SAXO1: variants seen among roughly 807,000 people sequenced by gnomAD.
SAXO1 encodes the protein 4930500O09Rik.
SAXO1 carries 21 observed loss-of-function variants against 17.5 expected under a neutral mutation model. The observed-to-expected ratio is 1.20, with a 90% CI of 0.85 to 1.72. The LOEUF (loss-of-function observed/expected upper bound fraction) is 1.72, where lower values mean the gene tolerates loss of function less well. Ranked by LOEUF, SAXO1 falls within the 40% of genes most tolerant of loss-of-function variation. The probability of loss-of-function intolerance (pLI) is 0.00; values close to 1 mark genes in which losing one functional copy is unlikely to be tolerated. For synonymous variants in SAXO1, 274 were observed against 216.5 expected (o/e 1.27, Z -2.33); for missense variants, 843 against 596.0 (o/e 1.41, Z -4.32).
chr9:18,944,724 TG>T (rs1188916517), intron 2 of SAXO1, among the ~76,000 whole-genome samples: 1 of 152,152 alleles, frequency 6.6e-6, no homozygotes, highest in Non-Finnish European at 1.5e-5. Flanking sequence ...TTAGCAAAGC[TG>T]AAGAAAGGTG....
chr9:18,959,117 T>A (rs960265006), intron 1 of SAXO1, among the ~76,000 whole-genome samples: 5 of 152,122 alleles, frequency 3.3e-5, no homozygotes, highest in Admixed American at 1.3e-4. Flanking sequence ...GGACAAGGAC[T>A]CAGTGCTGAA....
At chr9:18,965,130 A>T (rs541305682) in intron 1 of SAXO1, among the ~76,000 whole-genome samples, 1 of 152,304 alleles carries the variant, frequency 6.6e-6, no homozygotes, top group South Asian at 2.1e-4. Context: ...ACTGTTTGTT[A>T]TGATTTCCAT....
At chr9:19,015,599 T>A (rs1368082858) in intron 1 of SAXO1, among the ~76,000 whole-genome samples, 1 of 150,726 alleles carries the variant, frequency 6.6e-6, no homozygotes, top group Non-Finnish European at 1.5e-5. Context: ...CACTTCTGCC[T>A]CCCAAAGTGC....
chr9:18,953,680 G>T (rs374522435), intron 1 of SAXO1, among the ~76,000 whole-genome samples: 3 of 152,116 alleles, frequency 2.0e-5, no homozygotes, highest in Non-Finnish European at 4.4e-5. Flanking sequence ...CTTCTCATTG[G>T]TGATCAACCC....
intron 1 of SAXO1, among the ~76,000 whole-genome samples, chr9:18,957,079 C>G (rs1221076292): frequency 1.3e-5 from 2 of 152,206 alleles, no homozygotes; most frequent in Non-Finnish European, 2.9e-5. Context: ...CTCCGATAAA[C>G]CTAAGGGCAG....
intron 1 of SAXO1, among the ~76,000 whole-genome samples, chr9:18,960,376 T>C (rs1375896652): frequency 1.3e-5 from 2 of 152,122 alleles, no homozygotes; most frequent in Non-Finnish European, 2.9e-5. Context: ...TACTCCTTTT[T>C]ATGAGGCCCG....
intron 1 of SAXO1, among the ~76,000 whole-genome samples, chr9:19,017,576 T>C (rs1312307751): frequency 6.6e-6 from 1 of 152,214 alleles, no homozygotes; most frequent in Non-Finnish European, 1.5e-5. Flanking sequence ...TCTGGCCTTC[T>C]GGCCTCTCCT....
chr9:19,036,900 T>C (rs1157997280), upstream of SAXO1, among the ~76,000 whole-genome samples: 1 of 152,132 alleles, frequency 6.6e-6, no homozygotes, highest in African/African-American at 2.4e-5. Flanking sequence ...CAGACACTCA[T>C]TGCCAGCCCA....
chr9:19,004,946 G>A (rs543151947), intron 1 of SAXO1, among the ~76,000 whole-genome samples: 1 of 152,030 alleles, frequency 6.6e-6, no homozygotes, highest in Admixed American at 6.6e-5. Flanking sequence ...CAGGAAAGAG[G>A]TGCAGGGTAC....
chr9:18,956,315 C>G (rs1832257854), intron 1 of SAXO1, among the ~76,000 whole-genome samples: 1 of 152,128 alleles, frequency 6.6e-6, no homozygotes, highest in Non-Finnish European at 1.5e-5. Flanking sequence ...AATCCATGAC[C>G]ATTTCCCCTG....
At chr9:18,958,622 G>T (rs553133730) in intron 1 of SAXO1, among the ~76,000 whole-genome samples, 2 of 152,098 alleles carry the variant, frequency 1.3e-5, no homozygotes, top group South Asian at 4.2e-4. Flanking sequence ...CACGCTGGAA[G>T]GATTAAGAGG....
chr9:19,044,794 C>T (rs1344840640), intron 1 of SAXO1, among the ~76,000 whole-genome samples: 6 of 151,474 alleles, frequency 4.0e-5, no homozygotes, highest in Non-Finnish European at 7.4e-5. Context: ...ACCCGGGAGG[C>T]GGAGCTTGCA....
At chr9:19,017,103 G>C (rs1835008696) in intron 1 of SAXO1, among the ~76,000 whole-genome samples, 3 of 152,086 alleles carry the variant, frequency 2.0e-5, no homozygotes, top group South Asian at 4.1e-4. Flanking sequence ...GAGCCCAGGA[G>C]TTTGAGACCA....
intron 1 of SAXO1, among the ~76,000 whole-genome samples, chr9:19,024,715 C>T (rs776132353): frequency 4.6e-5 from 7 of 152,108 alleles, no homozygotes; most frequent in Non-Finnish European, 8.8e-5. Context: ...CATCCCAAAG[C>T]GCCTCTCCCA....
chr9:18,968,558 T>C (rs138328969), intron 1 of SAXO1, among the ~76,000 whole-genome samples: 84 of 151,930 alleles, frequency 5.5e-4, no homozygotes, highest in African/African-American at 1.9e-3. Context: ...TTTGATGCGA[T>C]AGATAGTGGC....
chr9:18,964,053 G>A (rs1832613112), intron 1 of SAXO1, among the ~76,000 whole-genome samples: 1 of 152,156 alleles, frequency 6.6e-6, no homozygotes, highest in Non-Finnish European at 1.5e-5. Flanking sequence ...CATTGGTTCT[G>A]TGTATGTGAT....
rs114300301 is a variant in SAXO1, at chr9:18,938,813, C to T, written c.421+2824G>A. Among the ~76,000 whole-genome samples, 609 of 88,576 alleles carry T rather than the reference C, an allele frequency of 6.9e-3. 6 individuals are homozygous for T. Among genetic ancestry groups the T allele is most frequent in the African/African-American group, 0.026 (584 of 22,828 alleles). 58.1% of individuals were successfully genotyped at this position (88,576 alleles called of 152,430 possible). ...CTGCTGGGGTGTGGTGGGGTGCATG[C>T]GTGCGTGCGTGTGTGTGTGTGTGTG... On this transcript the variant is annotated intron_variant, in intron 3 of 3. Coordinates refer to ENST00000380534, the MANE Select transcript of SAXO1 (RefSeq NM_153707.4).
rs114434593 is a variant in SAXO1, at chr9:18,954,689, G to A, written c.39-3752C>T. Among the ~76,000 whole-genome samples the A allele has an allele frequency of 2.1e-3, 325 of 152,178 alleles. 2 individuals carry two copies. Among genetic ancestry groups the A allele is most frequent in the African/African-American group, 7.6e-3 (314 of 41,538 alleles). On this transcript the variant is annotated intron_variant, in intron 1 of 3. Coordinates refer to ENST00000380534, the MANE Select transcript of SAXO1 (RefSeq NM_153707.4). Reference sequence around the variant, plus strand: ...GGGGGCATGGGAAATATCTGTTCTAGTATCTCCATTATGTTATGTAGATGA... The same window carrying A: ...GGGGGCATGGGAAATATCTGTTCTAATATCTCCATTATGTTATGTAGATGA...
At chr9:18,935,594 A>G (rs920023199) in intron 3 of SAXO1, among the ~76,000 whole-genome samples, 2 of 152,152 alleles carry the variant, frequency 1.3e-5, no homozygotes, top group Non-Finnish European at 2.9e-5. Flanking sequence ...TAGTCTGCAC[A>G]CAGTCTTGCC....
Sources: allele counts gnomAD v4.1 joint callset (sites outside exome capture counted in the v4.1 genomes callset), GRCh38; gene constraint gnomAD v4.1.1; transcripts MANE v1.5; gene names NCBI Gene and HGNC (gene_info 2026-07-23, HGNC 2026-07-21).